CFAP161: variants seen among roughly 807,000 people sequenced by gnomAD.
CFAP161 encodes the protein cilia and flagella associated protein 161, also known as cilia- and flagella-associated protein 161.
In CFAP161, 25 loss-of-function variants were observed where a neutral mutation model predicts 29.0. The observed-to-expected ratio is 0.86, with a 90% CI of 0.63 to 1.20. The LOEUF (loss-of-function observed/expected upper bound fraction) is 1.20, where lower values mean the gene tolerates loss of function less well. Among genes scored for constraint, CFAP161 ranks in the 50% most tolerant of loss-of-function variants. CFAP161 has a pLI of 0.00. For missense variants in CFAP161, 367 were observed against 371.9 expected (o/e 0.99, Z 0.11); for synonymous variants, 116 against 137.4 (o/e 0.84, Z 1.09).
intron 1 of CFAP161, chr15:81,099,523 T>TTCTG (rs1410180653): frequency 6.6e-6 from 1 of 152,248 alleles, no homozygotes; most frequent in Non-Finnish European, 1.5e-5. Flanking sequence ...GGAGCGCAGG[T>TTCTG]CAGTTCTGCA....
rs1172810711 is a variant in CFAP161 at position 81,136,847 on chromosome 15, G to C, written c.392+99G>C. 4 of 965,292 alleles carry C rather than the reference G, an allele frequency of 4.1e-6. No individual in the cohort carries two copies. In the South Asian group the frequency reaches 5.0e-5, roughly 12 times the overall value. 59.8% of individuals were successfully genotyped at this position (965,292 alleles called of 1,614,324 possible). A position where few individuals can be genotyped will look rare whatever the true frequency, so the allele number is the denominator to read the frequency against. On this transcript the variant is annotated intron_variant, in intron 3 of 6. Transcript: ENST00000286732. ...TTGGAGCCACTGAGTGGAGGGAAAG[G>C]TTTTGTGAACATTTTTCGTGATTTT...
chr15:81,100,731 G>C (rs2663923), intron 1 of CFAP161, among the ~76,000 whole-genome samples: 35,179 of 150,624 alleles, frequency 0.23, 4,616 homozygotes, highest in African/African-American at 0.35. Flanking sequence ...AGAGACACAG[G>C]CTCGCCATGT....
chr15:81,105,137 TC>T (rs1567149850), intron 1 of CFAP161, among the ~76,000 whole-genome samples: 96 of 11,618 alleles, frequency 8.3e-3, no homozygotes, highest in Non-Finnish European at 0.011. Flanking sequence ...TTCTCCCCCC[TC>T]CCCTCCCTCC....
At chr15:81,148,205 C>A in intron 6 of CFAP161, 133 bp from the exon 7 acceptor site, 1 of 940,088 alleles carries the variant, frequency 1.1e-6, no homozygotes, top group Non-Finnish European at 1.6e-6. Flanking sequence ...CAAACATGTC[C>A]CATTTTAGAG....
At chr15:81,099,434 C>T (rs954053917) in intron 1 of CFAP161, 1 of 152,292 alleles carries the variant, frequency 6.6e-6, no homozygotes, top group Non-Finnish European at 1.5e-5. Flanking sequence ...AGAATTCCTG[C>T]CAGACTTCCA....
chr15:81,142,527 A>G (rs533063816), intron 4 of CFAP161, among the ~76,000 whole-genome samples: 4 of 152,078 alleles, frequency 2.6e-5, no homozygotes, highest in Non-Finnish European at 5.9e-5. Flanking sequence ...CCAGGAAAGC[A>G]CCGTGCTCCT....
intron 1 of CFAP161, among the ~76,000 whole-genome samples, chr15:81,116,118 C>T (rs2141865767): frequency 6.6e-6 from 1 of 152,210 alleles, no homozygotes; most frequent in East Asian, 1.9e-4. Flanking sequence ...CAGACGTTTT[C>T]TTATTTAACC....
chr15:81,127,389 A>G (rs1894654717), intron 1 of CFAP161, among the ~76,000 whole-genome samples: 1 of 152,224 alleles, frequency 6.6e-6, no homozygotes, highest in African/African-American at 2.4e-5. Context: ...CACACAAAAC[A>G]TTAAACTAGG....
upstream of CFAP161, among the ~76,000 whole-genome samples, chr15:81,132,282 A>AAGG (rs1894722171): frequency 6.6e-6 from 1 of 152,172 alleles, no homozygotes; most frequent in Non-Finnish European, 1.5e-5. Context: ...GTCTTGGAAG[A>AAGG]AAAAGAAATA....
intron 1 of CFAP161, among the ~76,000 whole-genome samples, chr15:81,122,889 G>T (rs1290576181): frequency 4.6e-5 from 7 of 151,974 alleles, no homozygotes; most frequent in African/African-American, 1.4e-4. Flanking sequence ...GGGGTTGTTT[G>T]TTTTTTCTTG....
intron 1 of CFAP161, among the ~76,000 whole-genome samples, chr15:81,116,909 C>A (rs1894505810): frequency 6.6e-6 from 1 of 152,134 alleles, no homozygotes; most frequent in Non-Finnish European, 1.5e-5. Context: ...ATTCACAAGG[C>A]TGCAATCCAA....
chr15:81,117,221 C>CAT (rs35542439), intron 1 of CFAP161, among the ~76,000 whole-genome samples: 17 of 151,376 alleles, frequency 1.1e-4, no homozygotes, highest in South Asian at 2.1e-4. Context: ...AGAGATTATA[C>CAT]ATATATATAT....
intron 1 of CFAP161, among the ~76,000 whole-genome samples, chr15:81,107,801 C>T (rs1436882888): frequency 6.6e-6 from 1 of 152,116 alleles, no homozygotes; most frequent in Non-Finnish European, 1.5e-5. Context: ...CCTCTTGTAA[C>T]GGAAGTACCC....
intron 1 of CFAP161, among the ~76,000 whole-genome samples, chr15:81,118,620 A>G (rs1595911223): frequency 6.6e-6 from 1 of 152,232 alleles, no homozygotes; most frequent in African/African-American, 2.4e-5. Context: ...CCGGGAGACC[A>G]AAGGGGCGAT....
chr15:81,137,416 G>A (rs1054520553), intron 3 of CFAP161, among the ~76,000 whole-genome samples: 2 of 151,762 alleles, frequency 1.3e-5, no homozygotes, highest in South Asian at 2.1e-4. Context: ...CCAACATGTC[G>A]AAACCCCATC....
intron 1 of CFAP161, among the ~76,000 whole-genome samples, chr15:81,101,398 G>C (rs563086867): frequency 2.6e-5 from 4 of 151,700 alleles, no homozygotes; most frequent in Non-Finnish European, 5.9e-5. Flanking sequence ...GTGGTGGCAG[G>C]CACCTGTAAT....
chr15:81,147,660 T>C (rs1002090308), intron 5 of CFAP161, among the ~76,000 whole-genome samples, 198 bp from the exon 6 acceptor site: 1 of 152,168 alleles, frequency 6.6e-6, no homozygotes, highest in South Asian at 2.1e-4. Context: ...AATAGGGTCT[T>C]ACGGTCGCAT....
chr15:81,135,226 A>T, intron 1 of CFAP161, 44 bp from the exon 2 acceptor site: 67 of 1,197,492 alleles, frequency 5.6e-5, no homozygotes, highest in Non-Finnish European at 7.6e-5. Context: ...ATTAATACTA[A>T]CATCTATATT....
chr15:81,141,206 C>G (rs1037377061), intron 4 of CFAP161, among the ~76,000 whole-genome samples: 1 of 152,176 alleles, frequency 6.6e-6, no homozygotes, highest in Non-Finnish European at 1.5e-5. Context: ...GCAAAATTTT[C>G]TATCACCCAG....
Sources: allele counts gnomAD v4.1 joint callset (sites outside exome capture counted in the v4.1 genomes callset), GRCh38; gene constraint gnomAD v4.1.1; transcripts MANE v1.5; gene names NCBI Gene and HGNC (gene_info 2026-07-23, HGNC 2026-07-21).